Variants in FLNB observed in about 807,000 individuals in gnomAD.
FLNB encodes the protein filamin B, also known as filamin-B.
In FLNB, 111 loss-of-function variants were observed where a neutral mutation model predicts 250.6. The ratio of observed to expected loss-of-function variants is 0.44; its 90% CI spans 0.38 to 0.52. FLNB has a LOEUF of 0.52. FLNB is among the 20% of genes least tolerant of loss of function. The pLI is 0.00. For synonymous variants in FLNB, 1,302 were observed against 1,372.1 expected (o/e 0.95, Z 1.13); for missense variants, 2,869 against 3,447.8 (o/e 0.83, Z 4.20).
At chr3:58,058,252 TGTAGGAAGTTTAGA>T (rs2097173267) in intron 1 of FLNB, among the ~76,000 whole-genome samples, 1 of 152,222 alleles carries the variant, frequency 6.6e-6, no homozygotes. Context: ...TCCTCTCCTG[TGTAGGAAGTTTAGA>T]GTGAAGCGGC....
At chr3:58,041,069 C>T (rs1415693429) in intron 1 of FLNB, among the ~76,000 whole-genome samples, 1 of 151,942 alleles carries the variant, frequency 6.6e-6, no homozygotes, top group Non-Finnish European at 1.5e-5. Flanking sequence ...GGTGTTAATC[C>T]CGTTTTGCAG....
At chr3:58,045,816 A>G (rs1220173095) in intron 1 of FLNB, among the ~76,000 whole-genome samples, 1 of 152,230 alleles carries the variant, frequency 6.6e-6, no homozygotes, top group African/African-American at 2.4e-5. Flanking sequence ...CCCGGCCAAC[A>G]TGGTGAAACC....
chr3:58,090,472 A>G lies in FLNB; in HGVS notation c.788-4364A>G, dbSNP rs117521364. ...TATCATCAAGTATTATGTATTGAACATAATTGTCTGTGCTATATATGTTTC... is the reference window on the plus strand; with the variant it reads ...TATCATCAAGTATTATGTATTGAACGTAATTGTCTGTGCTATATATGTTTC... On this transcript the variant is annotated intron_variant, in intron 4 of 45. Coordinates refer to ENST00000295956, the MANE Select transcript of FLNB (RefSeq NM_001457.4). Among the ~76,000 whole-genome samples the G allele has an allele frequency of 3.6e-3, 542 of 152,336 alleles. 15 individuals are homozygous for G. The East Asian group carries it at 0.054, about 15-fold the overall frequency.
chr3:58,136,743 A>ATTT (rs1411180386), intron 28 of FLNB, among the ~76,000 whole-genome samples: 2 of 75,202 alleles, frequency 2.7e-5, no homozygotes, highest in African/African-American at 7.9e-5. Flanking sequence ...GTCACAGGCC[A>ATTT]TTCTTTTTTT....
Position 58,169,536 on chromosome 3 carries a change from A to C in FLNB, c.7418-54A>C. The C allele has an allele frequency of 3.5e-6, 5 of 1,441,974 alleles. No homozygotes were observed. The highest frequency in any genetic ancestry group is 4.9e-6 in the Non-Finnish European group (5 of 1,022,982). 89.3% of individuals were successfully genotyped at this position (1,441,974 alleles called of 1,614,324 possible). A position where few individuals can be genotyped will look rare whatever the true frequency, so the allele number is the denominator to read the frequency against. On this transcript the variant is annotated intron_variant, in intron 44 of 45. Transcript: ENST00000295956. The surrounding 1 kb of genome is among the most constrained non-coding windows in gnomAD (Gnocchi z 4.8). Reference sequence around the variant, plus strand: ...GGTACTCGCCTGTCCTCTGGCTGAGAGACCCCTCTTGATCTGGCCATTCAT... The same window carrying C: ...GGTACTCGCCTGTCCTCTGGCTGAGCGACCCCTCTTGATCTGGCCATTCAT...
intron 32 of FLNB, 21 bp from the exon 33 acceptor site, chr3:58,145,900 T>C (rs191337459): frequency 5.6e-6 from 9 of 1,614,116 alleles, no homozygotes; most frequent in East Asian, 2.2e-5. Flanking sequence ...CCAATTTTGT[T>C]TGTGTCCTTC....
At chr3:58,126,924 C>G (rs2097298949) in intron 24 of FLNB, among the ~76,000 whole-genome samples, 162 bp downstream of exon 24, 1 of 151,988 alleles carries the variant, frequency 6.6e-6, no homozygotes, top group South Asian at 2.1e-4. Flanking sequence ...ATCTCAACTC[C>G]CAGTAGAACC....
chr3:58,094,802 T>G, intron 4 of FLNB, 34 bp from the exon 5 acceptor site: 1 of 1,575,270 alleles, frequency 6.3e-7, no homozygotes, highest in East Asian at 2.2e-5. Context: ...CACCCTCGCC[T>G]GGCTTCTAAC....
At chr3:58,119,027 AC>A (rs1328722717) in intron 19 of FLNB, 38 bp downstream of exon 19, 10 of 1,426,822 alleles carry the variant, frequency 7.0e-6, no homozygotes, top group Non-Finnish European at 7.9e-6. Flanking sequence ...GTTGTTGATG[AC>A]CCCCCAACGT....
In FLNB at chr3:58,094,913, G is replaced by T. The variant is rs764368324; in HGVS notation, c.865G>T (p.Val289Leu). Residue 289 changes from valine to leucine, a missense_variant, in exon 5 of 46, where the codon GTG becomes TTG. Coordinates refer to ENST00000295956, the MANE Select transcript of FLNB (RefSeq NM_001457.4). ...VDTISAGQGD[V>L]MVFVEDPEGN... is the part of the protein sequence containing the mutation. ...CACCATCAGCGCCGGGCAAGGAGACGTGATGGTGTTTGTTGAGGACCCAGA... is the reference window on the plus strand; with the variant it reads ...CACCATCAGCGCCGGGCAAGGAGACTTGATGGTGTTTGTTGAGGACCCAGA... The T allele has an allele frequency of 6.2e-7, 1 of 1,614,152 alleles. No homozygotes were observed. The highest frequency in any genetic ancestry group is 1.1e-5 in the South Asian group (1 of 91,070).
intron 1 of FLNB, among the ~76,000 whole-genome samples, chr3:58,051,791 A>G (rs2097162860): frequency 6.6e-6 from 1 of 152,070 alleles, no homozygotes; most frequent in Non-Finnish European, 1.5e-5. Context: ...GCCATGCTTG[A>G]GATAGGACCA....
At chr3:58,086,841 A>G (rs1249019976) in intron 4 of FLNB, among the ~76,000 whole-genome samples, 1 of 152,210 alleles carries the variant, frequency 6.6e-6, no homozygotes, top group East Asian at 1.9e-4. Context: ...ATAGCTGGGC[A>G]TGGTGGCTCA....
intron 1 of FLNB, among the ~76,000 whole-genome samples, chr3:58,009,670 G>T (rs1040324015): frequency 1.3e-5 from 2 of 152,260 alleles, no homozygotes; most frequent in East Asian, 1.9e-4. Context: ...TACAGATAAG[G>T]GGGTCCGGAG....
At chr3:58,156,846 G>A (rs1033601192) in intron 41 of FLNB, among the ~76,000 whole-genome samples, 7 of 152,108 alleles carry the variant, frequency 4.6e-5, no homozygotes, top group African/African-American at 1.4e-4. Context: ...CCAGGCACGC[G>A]CCATCACACC....
chr3:58,022,916 C>T (rs917291922), intron 1 of FLNB, among the ~76,000 whole-genome samples: 1 of 151,796 alleles, frequency 6.6e-6, no homozygotes, highest in Non-Finnish European at 1.5e-5. Context: ...CTCCTGGGTT[C>T]AAGCGATTCT....
chr3:58,043,156 T>C (rs1238161451), intron 1 of FLNB, among the ~76,000 whole-genome samples: 1 of 148,500 alleles, frequency 6.7e-6, no homozygotes, highest in Non-Finnish European at 1.5e-5. Context: ...TTTTTTTTTT[T>C]TTTTTTTTGA....
In FLNB at chr3:58,162,074, T is replaced by C. The variant is rs545551240; in HGVS notation, c.7022-1080T>C. Among the ~76,000 whole-genome samples, 389 of 152,246 alleles carry C rather than the reference T, an allele frequency of 2.6e-3. 1 individual carries two copies. The highest frequency in any genetic ancestry group is 3.7e-3 in the Non-Finnish European group (250 of 68,000). The stretch of plus-strand genomic sequence containing the variant: ...ACATGGCGGTGGAGCCAGCTTCCCC[T>C]ACAACACATTGGCTTTAAGGGAGGC... On this transcript the variant is annotated intron_variant, in intron 42 of 45. Transcript: ENST00000295956.
In FLNB at chr3:58,112,188, C is replaced by G. The variant is rs1349766774; in HGVS notation, c.2615C>G (p.Thr872Ser). The G allele has an allele frequency of 1.2e-6, 2 of 1,614,192 alleles. No individual in the cohort carries two copies. The change falls in exon 18 of 46, where the codon ACC becomes AGC. Residue 872 changes from threonine (T) to serine (S), a missense_variant. Around this residue, in one of 5 missense-constraint regions of FLNB, gnomAD observed 1,348 missense variants for 1,466.7 expected, o/e 0.92. Coordinates refer to ENST00000295956, the MANE Select transcript of FLNB (RefSeq NM_001457.4). ...NGKPTHFTVY[T>S]KGAGKAPLNV... ...AAACCGACCCACTTCACTGTCTACA[C>G]CAAGGGGGCTGGGAAAGCCCCGCTC...
intron 1 of FLNB, among the ~76,000 whole-genome samples, chr3:58,054,648 G>A (rs552475958): frequency 1.8e-4 from 28 of 152,202 alleles, no homozygotes; most frequent in African/African-American, 6.7e-4. Context: ...AGCAGCATGG[G>A]GGTAACCATT....
Sources: gnomAD v4.1 joint callset for allele counts (sites outside exome capture counted in the v4.1 genomes callset) on GRCh38, gnomAD v4.1.1 for gene constraint, gnomAD v4.1.1 regional missense constraint, Gnocchi (gnomAD v3.1) non-coding constraint, MANE v1.5 for transcripts, NCBI Gene and HGNC (gene_info 2026-07-23, HGNC 2026-07-21) for gene names.